LINC00305: variants seen among roughly 807,000 people sequenced by gnomAD.
LINC00305 encodes long independently transcribed non-coding RNA 305, also known as long intergenic non-protein coding RNA 305.
intron 1 of LINC00305, among the ~76,000 whole-genome samples, chr18:64,143,484 T>TGC (rs2051474325): frequency 2.1e-5 from 1 of 48,100 alleles, no homozygotes; most frequent in Admixed American, 3.1e-4. Context: ...GCATTGATGG[T>TGC]GTGTGTGTGT....
intron 3 of LINC00305, among the ~76,000 whole-genome samples, chr18:64,087,829 C>T (rs919443118): frequency 6.6e-6 from 1 of 152,004 alleles, no homozygotes; most frequent in African/African-American, 2.4e-5. Flanking sequence ...TGCTGGCTCA[C>T]GCCTGTAATC....
At chr18:64,080,401 T>C (rs1172369117) in exon 4 of LINC00305, 1 of 453,058 alleles carries the variant, frequency 2.2e-6, no homozygotes, top group Non-Finnish European at 4.4e-6. Context: ...TCTTCCTGCA[T>C]GCTGTACAAA....
At chr18:64,112,271 A>C (rs1298483052) in intron 1 of LINC00305, among the ~76,000 whole-genome samples, 1 of 151,474 alleles carries the variant, frequency 6.6e-6, no homozygotes, top group African/African-American at 2.4e-5. Flanking sequence ...GTCATAGCCC[A>C]TTAGCGACTA....
At chr18:64,124,250 G>T (rs1468852326) in intron 1 of LINC00305, among the ~76,000 whole-genome samples, 1 of 152,136 alleles carries the variant, frequency 6.6e-6, no homozygotes, top group Admixed American at 6.5e-5. Flanking sequence ...CCACGGATCA[G>T]AACCTAGCTG....
intron 1 of LINC00305, among the ~76,000 whole-genome samples, chr18:64,134,290 A>G (rs917479029): frequency 6.6e-5 from 10 of 152,206 alleles, no homozygotes; most frequent in Non-Finnish European, 1.2e-4. Flanking sequence ...GGGGAGGGAA[A>G]AAAGTTCTTA....
Position 64,143,671 on chromosome 18 carries a change from T to TGTAC in LINC00305, n.314+5103_314+5104insGTAC, listed in dbSNP as rs1568120202. 4.9e-4 allele frequency among the ~76,000 whole-genome samples: 71 copies of TGTAC among 144,532 alleles called. 4 individuals carry two copies. The highest frequency in any genetic ancestry group is 1.9e-3 in the African/African-American group (69 of 36,088). 94.8% of individuals were successfully genotyped at this position (144,532 alleles called of 152,430 possible). A position where few individuals can be genotyped will look rare whatever the true frequency, so the allele number is the denominator to read the frequency against. On this transcript the variant is annotated intron_variant and non_coding_transcript_variant, in intron 1 of 3. Transcript: ENST00000666468. ...CATATGTATGTACACGTATTATGTA[T>TGTAC]ACATATGTATGTCCACATATTATGC...
At chr18:64,097,340 C>A (rs1227233021) in intron 3 of LINC00305, among the ~76,000 whole-genome samples, 1 of 151,842 alleles carries the variant, frequency 6.6e-6, no homozygotes, top group Non-Finnish European at 1.5e-5. Flanking sequence ...TTGTAAAAAC[C>A]AAAGAGTCTG....
chr18:64,097,828 A>G (rs1378554504), intron 3 of LINC00305: 2 of 456,556 alleles, frequency 4.4e-6, no homozygotes, highest in Non-Finnish European at 8.8e-6. Flanking sequence ...GAAATATTGA[A>G]CTTACCTTTA....
intron 2 of LINC00305, chr18:64,098,516 T>C: frequency 2.3e-6 from 1 of 434,688 alleles, no homozygotes; most frequent in South Asian, 1.7e-5. Flanking sequence ...ACTCTATAAA[T>C]AGGGTTAATT....
chr18:64,101,814 C>A (rs1005221230), intron 1 of LINC00305, among the ~76,000 whole-genome samples: 1 of 152,136 alleles, frequency 6.6e-6, no homozygotes, highest in Non-Finnish European at 1.5e-5. Flanking sequence ...ATCAGTTACT[C>A]AAATGGAAAT....
intron 1 of LINC00305, among the ~76,000 whole-genome samples, chr18:64,122,963 G>C (rs912193826): frequency 2.0e-5 from 3 of 151,768 alleles, no homozygotes; most frequent in African/African-American, 7.3e-5. Flanking sequence ...ATTGTAAATG[G>C]GATTGTCTTC....
At chr18:64,134,232 G>T (rs1453391936) in intron 1 of LINC00305, among the ~76,000 whole-genome samples, 1 of 152,118 alleles carries the variant, frequency 6.6e-6, no homozygotes, top group African/African-American at 2.4e-5. Context: ...TGGCAAACAA[G>T]AATAGCAGGA....
At chr18:64,095,615 C>T (rs1782170383) in intron 3 of LINC00305, among the ~76,000 whole-genome samples, 1 of 152,104 alleles carries the variant, frequency 6.6e-6, no homozygotes, top group African/African-American at 2.4e-5. Context: ...TTTACAACTG[C>T]ATTTCATCAT....
In LINC00305 at chr18:64,117,299, A is replaced by T. The variant is rs752527306; in HGVS notation, n.315-18659T>A. Among the ~76,000 whole-genome samples, 21 of 152,304 alleles carry T rather than the reference A, an allele frequency of 1.4e-4. No individual in the cohort carries two copies. In the South Asian group the frequency reaches 2.7e-3, roughly 20 times the overall value. ...ACAGCAACTAAGTGACCCCACCATG[A>T]TAGCTTCTTTGCATAATAATCTAAT... is the stretch of plus-strand genomic sequence containing the variant. On this transcript the variant is annotated intron_variant and non_coding_transcript_variant, in intron 1 of 3. Coordinates refer to ENST00000666468, the Ensembl canonical transcript of LINC00305.
At chr18:64,083,333 C>T (rs141902533) in intron 3 of LINC00305, among the ~76,000 whole-genome samples, 179 of 152,238 alleles carry the variant, frequency 1.2e-3, no homozygotes, top group Non-Finnish European at 1.7e-3. Flanking sequence ...AAAACCTCAC[C>T]GCGATACCCC....
intron 3 of LINC00305, among the ~76,000 whole-genome samples, chr18:64,094,208 C>T (rs959202292): frequency 1.3e-5 from 2 of 152,144 alleles, no homozygotes; most frequent in East Asian, 3.8e-4. Flanking sequence ...AAGAGTCAAT[C>T]ATCTGAGAGA....
intron 1 of LINC00305, among the ~76,000 whole-genome samples, chr18:64,111,806 G>T (rs2051315723): frequency 6.6e-6 from 1 of 152,096 alleles, no homozygotes; most frequent in Admixed American, 6.5e-5. Context: ...TCCACGCCAG[G>T]TTTCCTAAGG....
chr18:64,121,713 C>T (rs1029823427), intron 1 of LINC00305, among the ~76,000 whole-genome samples: 7 of 151,998 alleles, frequency 4.6e-5, no homozygotes, highest in African/African-American at 7.2e-5. Context: ...CACCCAATAA[C>T]GGGATTGCTG....
chr18:64,121,186 G>A (rs2144258975), intron 1 of LINC00305, among the ~76,000 whole-genome samples: 1 of 152,104 alleles, frequency 6.6e-6, no homozygotes, highest in African/African-American at 2.4e-5. Flanking sequence ...TGACATTGCT[G>A]ATCACCTCTT....
Sources: gnomAD v4.1 joint callset for allele counts (sites outside exome capture counted in the v4.1 genomes callset) on GRCh38, gnomAD v4.1.1 for gene constraint, MANE v1.5 for transcripts, NCBI Gene and HGNC (gene_info 2026-07-23, HGNC 2026-07-21) for gene names.